Variants in UNC13C observed in about 807,000 individuals in gnomAD.
UNC13C encodes the protein protein unc-13 homolog C.
Under a neutral mutation model 245.4 loss-of-function variants are expected in UNC13C, and 174 were observed. The ratio of observed to expected loss-of-function variants is 0.71; its 90% CI spans 0.63 to 0.80. The LOEUF (loss-of-function observed/expected upper bound fraction) is 0.80, where lower values mean the gene tolerates loss of function less well. UNC13C is among the 30% of genes least tolerant of loss of function. The pLI is 0.00. For missense variants in UNC13C, 2,829 were observed against 2,602.9 expected (o/e 1.09, Z -1.89); for synonymous variants, 992 against 895.1 (o/e 1.11, Z -1.93).
At chr15:54,125,444 C>G (rs1009770795) in intron 2 of UNC13C, among the ~76,000 whole-genome samples, 3 of 152,150 alleles carry the variant, frequency 2.0e-5, no homozygotes, top group South Asian at 2.1e-4. Flanking sequence ...GCCCGGGCGA[C>G]AGTGTGAGAT....
intron 10 of UNC13C, among the ~76,000 whole-genome samples, chr15:54,283,736 GTGTA>G (rs911784642): frequency 2.9e-5 from 4 of 135,672 alleles, no homozygotes; most frequent in Admixed American, 1.5e-4. Context: ...GTGTGTGTGT[GTGTA>G]TGTAATATTT....
At chr15:53,874,320 A>G in the UNC13C span, among the ~76,000 whole-genome samples, 1 of 152,172 alleles carries the variant, frequency 6.6e-6, no homozygotes, top group Non-Finnish European at 1.5e-5. Context: ...AATGTGCATA[A>G]TTAGTATTAT....
chr15:53,976,473 C>CTTTTTTT (rs1164175117), upstream of UNC13C, among the ~76,000 whole-genome samples: 134 of 27,450 alleles, frequency 4.9e-3, no homozygotes, highest in South Asian at 0.035. Flanking sequence ...CTCTCTCTCT[C>CTTTTTTT]TCTCTTTTTT....
intron 19 of UNC13C, among the ~76,000 whole-genome samples, chr15:54,460,159 C>T (rs1193837162): frequency 6.6e-6 from 1 of 152,158 alleles, no homozygotes; most frequent in Non-Finnish European, 1.5e-5. Context: ...ATTGTTATTG[C>T]CCTTCTAAGT....
intron 13 of UNC13C, among the ~76,000 whole-genome samples, chr15:54,305,507 G>GA (rs35489072): frequency 0.12 from 17,649 of 149,842 alleles, 1,321 homozygotes; most frequent in Admixed American, 0.2. Flanking sequence ...TAACTCAACT[G>GA]AAAAAAAAAC....
chr15:54,237,301 G>A (rs893823815), intron 6 of UNC13C, among the ~76,000 whole-genome samples: 17 of 152,150 alleles, frequency 1.1e-4, no homozygotes, highest in Admixed American at 1.1e-3. Context: ...GAATAAGAAA[G>A]TTTGAGAAGC....
chr15:53,913,166 G>A, the UNC13C span: 1 of 152,236 alleles, frequency 6.6e-6, no homozygotes, highest in Non-Finnish European at 1.5e-5. Flanking sequence ...TTCTCTTGCA[G>A]GTTTAGAAGC....
the UNC13C span, chr15:53,913,125 G>C: frequency 6.6e-6 from 1 of 152,186 alleles, no homozygotes; most frequent in Non-Finnish European, 1.5e-5. Context: ...ATATGTCATG[G>C]TCTTGTTAAT....
chr15:54,277,797 G>A (rs547119527), intron 10 of UNC13C, among the ~76,000 whole-genome samples: 1 of 152,296 alleles, frequency 6.6e-6, no homozygotes, highest in African/African-American at 2.4e-5. Context: ...CAAGGATTGA[G>A]ATGAAACCAA....
At chr15:54,118,902 G>GTT (rs3082226) in intron 2 of UNC13C, among the ~76,000 whole-genome samples, 3,867 of 140,828 alleles carry the variant, frequency 0.027, 163 homozygotes, top group African/African-American at 0.094. Context: ...TGATCTTACG[G>GTT]TTTTTTTTTT....
chr15:54,451,039 C>T (rs1374984215), intron 19 of UNC13C, among the ~76,000 whole-genome samples: 1 of 151,544 alleles, frequency 6.6e-6, no homozygotes, highest in Non-Finnish European at 1.5e-5. Context: ...TTTTTCTTTT[C>T]AGCACTTTGA....
chr15:54,282,342 C>T (rs759717968), intron 10 of UNC13C, among the ~76,000 whole-genome samples: 6 of 152,044 alleles, frequency 3.9e-5, no homozygotes, highest in Non-Finnish European at 5.9e-5. Context: ...TTTCTCAGCC[C>T]CTTCGCCAGA....
At chr15:54,325,318 G>A (rs997390204) in intron 14 of UNC13C, among the ~76,000 whole-genome samples, 8 of 151,922 alleles carry the variant, frequency 5.3e-5, no homozygotes, top group African/African-American at 1.9e-4. Flanking sequence ...AAGACTGGAA[G>A]GAAATGTGGT....
At chr15:54,589,497 C>G (rs965403893) in intron 30 of UNC13C, among the ~76,000 whole-genome samples, 1 of 151,652 alleles carries the variant, frequency 6.6e-6, no homozygotes, top group African/African-American at 2.4e-5. Context: ...CAGGATTTCA[C>G]CATGTTGACC....
intron 2 of UNC13C, among the ~76,000 whole-genome samples, chr15:54,112,874 T>A (rs576467508): frequency 6.6e-6 from 1 of 152,266 alleles, no homozygotes; most frequent in Admixed American, 6.5e-5. Context: ...TTTCCCCTAA[T>A]GCCAAAAGTC....
At chr15:54,406,231 T>A (rs1259222782) in intron 18 of UNC13C, among the ~76,000 whole-genome samples, 1 of 152,136 alleles carries the variant, frequency 6.6e-6, no homozygotes, top group Non-Finnish European at 1.5e-5. Context: ...CCCAGAAAAG[T>A]ATAAATACAG....
At chr15:54,306,812 T>C (rs1435902757) in intron 13 of UNC13C, among the ~76,000 whole-genome samples, 1 of 152,008 alleles carries the variant, frequency 6.6e-6, no homozygotes, top group Non-Finnish European at 1.5e-5. Context: ...CAACCTGTAA[T>C]GTACCCTGGC....
chr15:54,334,481 T>A (rs2038521868), intron 16 of UNC13C, among the ~76,000 whole-genome samples: 1 of 152,094 alleles, frequency 6.6e-6, no homozygotes, highest in Admixed American at 6.6e-5. Flanking sequence ...AAATATACAC[T>A]CTTTGAAAGA....
chr15:54,612,974 G>T (rs1266410603), intron 30 of UNC13C, among the ~76,000 whole-genome samples: 1 of 151,716 alleles, frequency 6.6e-6, no homozygotes, highest in African/African-American at 2.4e-5. Flanking sequence ...CTAATTTTGT[G>T]CTTGCCATGT....
Sources: gnomAD v4.1 joint callset for allele counts (sites outside exome capture counted in the v4.1 genomes callset) on GRCh38, gnomAD v4.1.1 for gene constraint, MANE v1.5 for transcripts, NCBI Gene and HGNC (gene_info 2026-07-23, HGNC 2026-07-21) for gene names.